Variants in TJAP1 observed in about 807,000 individuals in gnomAD.
The protein encoded by TJAP1 is tight junction associated protein 1.
TJAP1 carries 27 observed loss-of-function variants against 42.0 expected under a neutral mutation model. The ratio of observed to expected loss-of-function variants is 0.64; its 90% CI spans 0.47 to 0.89. TJAP1 has a LOEUF of 0.89. TJAP1 is among the 40% of genes least tolerant of loss of function. The pLI, the probability that TJAP1 is intolerant of heterozygous loss-of-function variation, is 0.00. For synonymous variants in TJAP1, 257 were observed against 288.4 expected (o/e 0.89, Z 1.10); for missense variants, 712 against 726.9 (o/e 0.98, Z 0.24).
chr6:43,500,591 A>G, intron 4 of TJAP1, 153 bp from the exon 5 acceptor site: 1 of 741,982 alleles, frequency 1.3e-6, no homozygotes, highest in Admixed American at 2.2e-5. Context: ...AGCATTACTG[A>G]ATTGCTTCCA....
At chr6:43,483,895 T>C (rs1479734386) in intron 2 of TJAP1, among the ~76,000 whole-genome samples, 4 of 152,026 alleles carry the variant, frequency 2.6e-5, no homozygotes, top group African/African-American at 4.8e-5. Context: ...AGACTTTGTC[T>C]CTACAAAAGA....
Position 43,503,909 on chromosome 6 carries a change from G to A in TJAP1, c.579+203G>A, listed in dbSNP as rs1399029087. On this transcript the variant is annotated intron_variant, in intron 10 of 10. Coordinates refer to ENST00000372449, the Ensembl canonical transcript of TJAP1. ...CCAGGGCCCATCACTAGTTCTGGGG[G>A]GCCAGCCCTGTTGGTTTCTGTAACA... The A allele has an allele frequency of 2.1e-5, 15 of 710,862 alleles. No homozygotes were observed. The Admixed American group carries it at 3.0e-4, about 14-fold the overall frequency. 44.0% of individuals were successfully genotyped at this position (710,862 alleles called of 1,614,324 possible). A position where few individuals can be genotyped will look rare whatever the true frequency, so the allele number is the denominator to read the frequency against.
chr6:43,500,210 AAGAC>A (rs541535419), intron 4 of TJAP1, among the ~76,000 whole-genome samples: 151 of 152,340 alleles, frequency 9.9e-4, no homozygotes, highest in African/African-American at 3.5e-3. Context: ...AGGAGGTTAA[AAGAC>A]AGACAAGGCA....
intron 2 of TJAP1, among the ~76,000 whole-genome samples, chr6:43,486,123 C>T (rs138807403): frequency 0.05 from 7,643 of 151,516 alleles, 308 homozygotes; most frequent in African/African-American, 0.11. Context: ...TGCCACCACG[C>T]GCAGCTAACT....
Position 43,501,707 on chromosome 6 carries a change from GACAC to G in TJAP1, c.290+69_290+72del, listed in dbSNP as rs70990192. 82,114 of 559,402 alleles carry G rather than the reference GACAC, an allele frequency of 0.15. 1,900 individuals are homozygous for G. Among genetic ancestry groups the G allele is most frequent in the East Asian group, 0.23 (6,192 of 26,810 alleles). The allele number at this position is 559,402 out of a possible 1,614,324, so 34.7% of individuals were successfully genotyped here. A position where few individuals can be genotyped will look rare whatever the true frequency, so the allele number is the denominator to read the frequency against. On this transcript the variant is annotated intron_variant, in intron 6 of 10. Coordinates refer to ENST00000372449, the Ensembl canonical transcript of TJAP1. Reference sequence around the variant, plus strand: ...CCGCAGGTGTGGGAATGAGGGGCCAGACACACACACACACACACACACACACACA... The same window carrying G: ...CCGCAGGTGTGGGAATGAGGGGCCAGACACACACACACACACACACACACA...
At chr6:43,501,431 G>A in intron 5 of TJAP1, 95 bp from the exon 6 acceptor site, 1 of 1,147,094 alleles carries the variant, frequency 8.7e-7, no homozygotes, top group Admixed American at 2.2e-5. Flanking sequence ...CTGTCCTCAT[G>A]TCATCCCTTC....
chr6:43,504,612 T>A, intron 10 of TJAP1, 149 bp from the exon 11 acceptor site: 1 of 994,404 alleles, frequency 1.0e-6, no homozygotes, highest in Admixed American at 2.2e-5. Flanking sequence ...GAAGTGAGGG[T>A]ATACACACTG....
chr6:43,505,142 C>T lies in TJAP1; in HGVS notation c.961C>T (p.Pro321Ser). The change falls in exon 11 of 11, where the codon CCA (proline) becomes TCA (serine). Residue 321 changes from proline to serine, a missense_variant. By Grantham distance (74) the Pro-to-Ser change is moderately conservative (BLOSUM62 -1). Coordinates refer to ENST00000372449, the Ensembl canonical transcript of TJAP1. The surrounding 1 kb of genome is among the most constrained non-coding windows in gnomAD (Gnocchi z 5.5). ...GCTGAACCCCTACCCAACCCCGTCT[C>T]CACCACACCCACTGTATCCTGGCCG... 11 of 1,614,226 alleles carry T rather than the reference C, an allele frequency of 6.8e-6. No individual in the cohort carries two copies. The highest frequency in any genetic ancestry group is 9.3e-6 in the Non-Finnish European group (11 of 1,180,038).
rs549444658 is a variant in TJAP1, at chr6:43,487,870, G to GTTTTTTTTTT, written c.-122+9645_-122+9654dup. ...CCATTTATCTTGTACCCTTCTAGTAGTTTTTTTTTTTTTTTTGAGATGGAG... is the reference window on the plus strand; with the variant it reads ...CCATTTATCTTGTACCCTTCTAGTAGTTTTTTTTTTTTTTTTTTTTTTTTTTGAGATGGAG... On this transcript the variant is annotated intron_variant, in intron 2 of 10. Transcript: ENST00000372449. 6.4e-4 allele frequency among the ~76,000 whole-genome samples: 88 copies of GTTTTTTTTTT among 138,334 alleles called. 1 individual carries two copies. The highest frequency in any genetic ancestry group is 1.6e-3 in the African/African-American group (59 of 36,702). The allele number at this position is 138,334 out of a possible 152,430, so 90.8% of individuals were successfully genotyped here.
At position 43,501,704 on chromosome 6, in the gene TJAP1, C is replaced by CCACACACACACACA. The variant is rs1790579777; in HGVS notation, c.290+19_290+20insCACACACACACACA. 1 of 638,986 alleles carries CCACACACACACACA rather than the reference C, an allele frequency of 1.6e-6. No homozygotes were observed. Among genetic ancestry groups the CCACACACACACACA allele is most frequent in the Non-Finnish European group, 2.8e-6 (1 of 357,586 alleles). 39.6% of individuals were successfully genotyped at this position (638,986 alleles called of 1,614,324 possible). ...GTTCCGCAGGTGTGGGAATGAGGGG[C>CCACACACACACACA]CAGACACACACACACACACACACAC... is the stretch of plus-strand genomic sequence containing the variant. On this transcript the variant is annotated intron_variant, in intron 6 of 10. Transcript: ENST00000372449.
chr6:43,494,733 C>T (rs543240188), intron 2 of TJAP1, among the ~76,000 whole-genome samples: 55 of 151,068 alleles, frequency 3.6e-4, no homozygotes, highest in African/African-American at 1.3e-3. Flanking sequence ...CTGCAATCTC[C>T]ACCTCCTGGG....
At chr6:43,500,704 T>C (rs202119858) in intron 4 of TJAP1, 40 bp from the exon 5 acceptor site, 3 of 1,613,748 alleles carry the variant, frequency 1.9e-6, no homozygotes. Flanking sequence ...GGGGGTCCAG[T>C]GGTCCAGAGC....
At chr6:43,484,089 A>AAT (rs886065858) in intron 2 of TJAP1, among the ~76,000 whole-genome samples, 4 of 152,234 alleles carry the variant, frequency 2.6e-5, no homozygotes, top group Admixed American at 6.5e-5. Context: ...AAACAAAAAA[A>AAT]AAAATAAAAT....
chr6:43,479,006 C>T (rs1402935639), intron 2 of TJAP1, among the ~76,000 whole-genome samples: 1 of 152,198 alleles, frequency 6.6e-6, no homozygotes, highest in African/African-American at 2.4e-5. Context: ...CCTTTGTAAT[C>T]TTCCCATCAA....
At chr6:43,484,889 C>T (rs762518379) in intron 2 of TJAP1, among the ~76,000 whole-genome samples, 2 of 152,236 alleles carry the variant, frequency 1.3e-5, no homozygotes, top group Non-Finnish European at 2.9e-5. Context: ...CTGTGCCTGG[C>T]TAATTTTTTT....
chr6:43,501,171 G>A, intron 5 of TJAP1: 1 of 376,098 alleles, frequency 2.7e-6, no homozygotes, highest in East Asian at 5.2e-5. Context: ...GTGCAGTGGG[G>A]AAACTGGAGC....
In TJAP1 at chr6:43,495,863, A is replaced by C. The variant is rs1421550069; in HGVS notation, c.-121-2018A>C. ...TAGAGGATGTGTGGCAACTAGAGCC[A>C]GGGCTGCAGGGTGTGGAGTGAAGCA... On this transcript the variant is annotated intron_variant, in intron 2 of 10. Coordinates refer to ENST00000372449, the Ensembl canonical transcript of TJAP1. The surrounding 1 kb of genome is among the most constrained non-coding windows in gnomAD (Gnocchi z 4.6). 6.6e-6 allele frequency among the ~76,000 whole-genome samples: 1 copy of C among 152,176 alleles called. No homozygotes were observed. Among genetic ancestry groups the C allele is most frequent in the African/African-American group, 2.4e-5 (1 of 41,416 alleles).
At position 43,494,711 on chromosome 6, in the gene TJAP1, G is replaced by C. The variant is rs548893027; in HGVS notation, c.-121-3170G>C. 4.7e-5 allele frequency among the ~76,000 whole-genome samples: 7 copies of C among 147,704 alleles called. 1 individual carries two copies. The highest frequency in any genetic ancestry group is 1.8e-4 in the African/African-American group (7 of 39,316). On this transcript the variant is annotated intron_variant, in intron 2 of 10. Coordinates refer to ENST00000372449, the Ensembl canonical transcript of TJAP1. ...CTCCCAGGCTGGAGTGTAGTGGCGCGATCTGGACTCACTGCAATCTCCACC... is the reference window on the plus strand; with the variant it reads ...CTCCCAGGCTGGAGTGTAGTGGCGCCATCTGGACTCACTGCAATCTCCACC...
chr6:43,486,037 T>TCC (rs1369634323), intron 2 of TJAP1, among the ~76,000 whole-genome samples: 1 of 151,752 alleles, frequency 6.6e-6, no homozygotes. Flanking sequence ...AGTGGCGCGA[T>TCC]CTTGGCTCAC....
Sources: allele counts gnomAD v4.1 joint callset (sites outside exome capture counted in the v4.1 genomes callset), GRCh38; gene constraint gnomAD v4.1.1; non-coding constraint Gnocchi (gnomAD v3.1); transcripts MANE v1.5; gene names NCBI Gene and HGNC (gene_info 2026-07-23, HGNC 2026-07-21).